Variants in KCNAB1 observed in about 807,000 individuals in gnomAD.
KCNAB1 encodes potassium voltage-gated channel subfamily A regulatory beta subunit 1.
In KCNAB1, 35 loss-of-function variants were observed where a neutral mutation model predicts 64.6. That is an observed-to-expected ratio of 0.54 (90% CI 0.41 to 0.72). The LOEUF (loss-of-function observed/expected upper bound fraction) is 0.72. KCNAB1 is among the 30% of genes least tolerant of loss of function. KCNAB1 has a pLI of 0.00. For synonymous variants in KCNAB1, 177 were observed against 183.8 expected, an observed-to-expected ratio of 0.96 and a Z score of 0.30; for missense variants, 401 against 512.9, an observed-to-expected ratio of 0.78 and a Z score of 2.11.
At chr3:156,389,718 T>A (rs1712884970) in intron 1 of KCNAB1, among the ~76,000 whole-genome samples, 1 of 152,240 alleles carries the variant, frequency 6.6e-6, no homozygotes, top group Non-Finnish European at 1.5e-5. Flanking sequence ...CGAACAGTTT[T>A]CTCAGATAAT....
At chr3:156,208,621 CAAGG>C (rs2108390531) in intron 1 of KCNAB1, among the ~76,000 whole-genome samples, 1 of 152,158 alleles carries the variant, frequency 6.6e-6, no homozygotes, top group East Asian at 1.9e-4. Context: ...TTTATGTTAA[CAAGG>C]AGGGAAAAAA....
chr3:156,362,464 G>T (rs1725675820), intron 1 of KCNAB1, among the ~76,000 whole-genome samples: 1 of 152,188 alleles, frequency 6.6e-6, no homozygotes, highest in South Asian at 2.1e-4. Context: ...GATTGCTGCA[G>T]ACAAATTGCC....
chr3:156,219,911 C>T (rs1715598521), intron 1 of KCNAB1, among the ~76,000 whole-genome samples: 1 of 151,810 alleles, frequency 6.6e-6, no homozygotes, highest in Admixed American at 6.6e-5. Context: ...TGTTCCCAGC[C>T]CTGTGTCCAT....
At chr3:156,355,476 CA>C (rs900385875) in intron 1 of KCNAB1, among the ~76,000 whole-genome samples, 7 of 152,164 alleles carry the variant, frequency 4.6e-5, no homozygotes, top group South Asian at 2.1e-4. Context: ...GCTTGCAAAA[CA>C]AAAAAGTTAG....
intron 1 of KCNAB1, among the ~76,000 whole-genome samples, chr3:156,362,987 T>C (rs1347177295): frequency 6.6e-6 from 1 of 152,000 alleles, no homozygotes; most frequent in Non-Finnish European, 1.5e-5. Flanking sequence ...GAGAAGGGAG[T>C]CAGGATGCTG....
intron 12 of KCNAB1, among the ~76,000 whole-genome samples, chr3:156,530,637 C>T (rs9830714): frequency 0.22 from 34,051 of 151,912 alleles, 3,874 homozygotes; most frequent in South Asian, 0.26. Flanking sequence ...GCAGATGCAG[C>T]ACTGATGGGG....
chr3:156,380,926 G>C lies in KCNAB1; in HGVS notation c.276-40690G>C, dbSNP rs543719333. On this transcript the variant is annotated intron_variant, in intron 1 of 13. Coordinates refer to ENST00000490337, the MANE Select transcript of KCNAB1 (RefSeq NM_172160.3). ...CTTTCAGAAGAGAGCCATAAACAAA[G>C]AGCCACTATAATAGTGCATTAAATA... 4.5e-4 allele frequency among the ~76,000 whole-genome samples: 68 copies of C among 152,152 alleles called. 1 individual carries two copies. Among genetic ancestry groups the C allele is most frequent in the East Asian group, 1.4e-3 (7 of 5,184 alleles).
chr3:156,338,217 A>G (rs748621545), intron 1 of KCNAB1, among the ~76,000 whole-genome samples: 1 of 147,726 alleles, frequency 6.8e-6, no homozygotes, highest in Non-Finnish European at 1.5e-5. Flanking sequence ...TGGAGACAGA[A>G]CTCTCTTTTC....
intron 2 of KCNAB1, chr3:156,441,568 G>T (rs914075740): frequency 6.6e-6 from 1 of 152,126 alleles, no homozygotes; most frequent in Non-Finnish European, 1.5e-5. Flanking sequence ...TTTAGAAGAA[G>T]ATATTGAAAA....
rs555903893 is a variant in KCNAB1, at chr3:156,515,131, T to C, written c.776T>C (p.Met259Thr). Residue 259 changes from methionine to threonine, a missense_variant, in exon 10 of 14, where the codon ATG (methionine) becomes ACG (threonine). Coordinates refer to ENST00000490337, the MANE Select transcript of KCNAB1 (RefSeq NM_172160.3). ...EAYSVARQFN[M>T]IPPVCEQAEY... ...TATTCTGTAGCAAGACAGTTCAATA[T>C]GATCCCACCGGTCTGTGAACAAGCT... is the stretch of plus-strand genomic sequence containing the variant. 2.5e-6 allele frequency: 4 copies of C among 1,613,452 alleles called. No individual in the cohort carries two copies. In the South Asian group the frequency reaches 3.3e-5, roughly 13 times the overall value.
intron 1 of KCNAB1, among the ~76,000 whole-genome samples, chr3:156,169,246 C>T (rs1487477403): frequency 6.6e-6 from 1 of 152,066 alleles, no homozygotes; most frequent in East Asian, 1.9e-4. Context: ...CTCATTTAGT[C>T]TCAATATCTT....
At chr3:156,327,779 T>C (rs924527055) in intron 1 of KCNAB1, among the ~76,000 whole-genome samples, 1 of 152,154 alleles carries the variant, frequency 6.6e-6, no homozygotes, top group Non-Finnish European at 1.5e-5. Context: ...ATTAAAAACA[T>C]TTCAGGAGAT....
intron 2 of KCNAB1, among the ~76,000 whole-genome samples, chr3:156,433,374 C>G (rs939483976): frequency 1.3e-5 from 2 of 152,024 alleles, no homozygotes; most frequent in Admixed American, 1.3e-4. Flanking sequence ...TATGGAATGA[C>G]GAGTGAAAGA....
At chr3:156,484,703 CA>C (rs1451795422) in intron 8 of KCNAB1, among the ~76,000 whole-genome samples, 1 of 152,076 alleles carries the variant, frequency 6.6e-6, no homozygotes, top group Non-Finnish European at 1.5e-5. Flanking sequence ...ATGCAGTGAG[CA>C]GAGCCACCTG....
chr3:156,524,575 G>A (rs1414640871), intron 12 of KCNAB1, among the ~76,000 whole-genome samples: 4 of 151,826 alleles, frequency 2.6e-5, no homozygotes, highest in Middle Eastern at 3.4e-3. Flanking sequence ...GTGAAACCCC[G>A]TCTCTACTAA....
At chr3:156,244,588 G>A (rs1057194941) in intron 1 of KCNAB1, among the ~76,000 whole-genome samples, 1 of 152,108 alleles carries the variant, frequency 6.6e-6, no homozygotes, top group Non-Finnish European at 1.5e-5. Context: ...TACTTCCTCA[G>A]CTCTTCCCAC....
At chr3:156,528,066 A>G (rs1277159320) in intron 12 of KCNAB1, among the ~76,000 whole-genome samples, 1 of 152,126 alleles carries the variant, frequency 6.6e-6, no homozygotes, top group Non-Finnish European at 1.5e-5. Context: ...GGTGACCTCG[A>G]GTAGTCAGGT....
intron 8 of KCNAB1, among the ~76,000 whole-genome samples, chr3:156,500,913 A>C (rs1716355531): frequency 1.3e-5 from 2 of 152,210 alleles, no homozygotes; most frequent in South Asian, 4.1e-4. Context: ...CTATGATAGA[A>C]TTTGAGGGGC....
intron 1 of KCNAB1, among the ~76,000 whole-genome samples, chr3:156,303,966 G>A (rs1721321203): frequency 6.6e-6 from 1 of 152,178 alleles, no homozygotes; most frequent in African/African-American, 2.4e-5. Flanking sequence ...ACAAGTCATT[G>A]ATGATCATTA....
Sources: gnomAD v4.1 joint callset for allele counts (sites outside exome capture counted in the v4.1 genomes callset) on GRCh38, gnomAD v4.1.1 for gene constraint, MANE v1.5 for transcripts, NCBI Gene and HGNC (gene_info 2026-07-23, HGNC 2026-07-21) for gene names.